The following GOLM1 variants were observed in gnomAD, a reference collection of about 807,000 sequenced individuals.
The protein encoded by GOLM1 is epididymis luminal protein 46.
GOLM1 carries 31 observed loss-of-function variants against 50.5 expected under a neutral mutation model. The ratio of observed to expected loss-of-function variants is 0.61; its 90% confidence interval spans 0.46 to 0.83. The LOEUF (loss-of-function observed/expected upper bound fraction) is 0.83, where lower values mean the gene tolerates loss of function less well. Among genes scored for constraint, GOLM1 ranks in the 40% least tolerant of loss-of-function variants. The pLI is 0.00. For synonymous variants in GOLM1, 178 were observed against 192.8 expected (o/e 0.92, Z 0.64); for missense variants, 491 against 501.3 (o/e 0.98, Z 0.20).
chr9:86,068,436 G>A (rs999340842), intron 3 of GOLM1, among the ~76,000 whole-genome samples: 14 of 152,204 alleles, frequency 9.2e-5, no homozygotes, highest in African/African-American at 2.4e-4. Flanking sequence ...TGCTGTGAGC[G>A]AGGATGCTAA....
chr9:86,040,983 C>T lies in GOLM1; in HGVS notation c.468-115G>A, dbSNP rs1043084506. 1.3e-5 allele frequency: 12 copies of T among 926,172 alleles called. No homozygotes were observed. The Admixed American group carries it at 2.6e-4, about 20-fold the overall frequency. 57.4% of individuals were successfully genotyped at this position (926,172 alleles called of 1,614,324 possible). ...CCTCTTCCTGCTTCAGGCACTTCAT[C>T]TGAAGAGGGCACTTAAGACAGGGCA... On this transcript the variant is annotated intron_variant, in intron 5 of 9. Transcript: ENST00000388712.
At chr9:86,071,404 C>T (rs1834443242) in intron 3 of GOLM1, among the ~76,000 whole-genome samples, 1 of 152,030 alleles carries the variant, frequency 6.6e-6, no homozygotes, top group African/African-American at 2.4e-5. Context: ...GGTGGTCAGG[C>T]ATGGTAGCTC....
intron 9 of GOLM1, among the ~76,000 whole-genome samples, chr9:86,029,828 A>G (rs1437067417): frequency 1.3e-5 from 2 of 152,244 alleles, no homozygotes; most frequent in African/African-American, 2.4e-5. Context: ...CACAAGGTCA[A>G]GTCCTTAGGA....
At chr9:86,051,074 C>G (rs1833731828) in intron 4 of GOLM1, among the ~76,000 whole-genome samples, 1 of 152,198 alleles carries the variant, frequency 6.6e-6, no homozygotes, top group Admixed American at 6.5e-5. Context: ...TCTTTGTTCT[C>G]ATTGATTTCA....
intron 3 of GOLM1, among the ~76,000 whole-genome samples, chr9:86,066,311 A>G (rs149335227): frequency 3.3e-3 from 500 of 152,290 alleles, no homozygotes; most frequent in African/African-American, 0.011. Flanking sequence ...GTGCAAGAGG[A>G]GAAACCGGGC....
At chr9:86,047,471 C>A (rs1257697034) in intron 4 of GOLM1, among the ~76,000 whole-genome samples, 1 of 152,126 alleles carries the variant, frequency 6.6e-6, no homozygotes, top group African/African-American at 2.4e-5. Context: ...ACACGTGACA[C>A]CCTCAAGAGA....
intron 1 of GOLM1, among the ~76,000 whole-genome samples, chr9:86,090,053 G>A (rs1249325332): frequency 6.6e-6 from 1 of 152,140 alleles, no homozygotes; most frequent in Non-Finnish European, 1.5e-5. Flanking sequence ...TCCAGACACT[G>A]CCTGGGTATC....
intron 6 of GOLM1, among the ~76,000 whole-genome samples, chr9:86,039,810 A>C (rs988365695): frequency 6.6e-6 from 1 of 152,126 alleles, no homozygotes. Flanking sequence ...TCTACTAAAA[A>C]TACAAAAATT....
rs1834718004 is a variant in GOLM1, at chr9:86,079,316, A to C, written c.5T>G (p.Met2Arg). Residue 2 changes from methionine to arginine, a missense_variant, in exon 2 of 10, where the codon ATG becomes AGG. Met to Arg is a moderately conservative substitution (Grantham distance 91, BLOSUM62 -1). Transcript: ENST00000388712. M[M>R]GLGNGRRSMK... ...GCTGCGACGCCCGTTTCCCAAGCCC[A>C]TCATCTCAAAATCAGCGCTGAGAAT... 44 of 1,588,772 alleles carry C rather than the reference A, an allele frequency of 2.8e-5. No homozygotes were observed. The highest frequency in any genetic ancestry group is 3.8e-5 in the Non-Finnish European group (44 of 1,168,340).
chr9:86,063,164 C>T (rs1834210147), intron 3 of GOLM1, among the ~76,000 whole-genome samples: 1 of 152,224 alleles, frequency 6.6e-6, no homozygotes. Context: ...TTGAAAAGCT[C>T]CAGCTCCGTT....
chr9:86,076,779 C>T lies in GOLM1; in HGVS notation c.309+633G>A, dbSNP rs141913471. ...ACTCAGGAGGCTGAGGCAGGAGAAT[C>T]GCTTGAACCCGGGAGGCAGAGTGAG... On this transcript the variant is annotated intron_variant, in intron 3 of 9. Coordinates refer to ENST00000388712, the MANE Select transcript of GOLM1 (RefSeq NM_016548.4). Among the ~76,000 whole-genome samples, 1,102 of 151,244 alleles carry T rather than the reference C, an allele frequency of 7.3e-3. 14 individuals are homozygous for T. The highest frequency in any genetic ancestry group is 0.025 in the African/African-American group (1,039 of 41,164).
chr9:86,033,495 A>C (rs1369210363), intron 8 of GOLM1, 100 bp from the exon 9 acceptor site: 1 of 723,330 alleles, frequency 1.4e-6, no homozygotes, highest in East Asian at 2.7e-5. Flanking sequence ...ACTTGCTCAC[A>C]ATCAGATCTG....
upstream of GOLM1, among the ~76,000 whole-genome samples, chr9:86,099,829 G>A (rs1835482246): frequency 6.6e-6 from 1 of 152,110 alleles, no homozygotes. Context: ...CAGCGACGCG[G>A]AGCGGGGAAG....
chr9:86,026,205 T>A lies in GOLM1; in HGVS notation c.*1612A>T. ...CTATGCGTACAAATTAAACATGAGA[T>A]GAATAGAGACTTTATTGAGAAAGCA... On this transcript the variant is annotated 3_prime_UTR_variant, in exon 10 of 10. Coordinates refer to ENST00000388712, the MANE Select transcript of GOLM1 (RefSeq NM_016548.4). 1.0e-6 allele frequency: 1 copy of A among 980,792 alleles called. No individual in the cohort carries two copies. The highest frequency in any genetic ancestry group is 1.2e-6 in the Non-Finnish European group (1 of 825,782). 60.8% of individuals were successfully genotyped at this position (980,792 alleles called of 1,614,324 possible). A position where few individuals can be genotyped will look rare whatever the true frequency, so the allele number is the denominator to read the frequency against.
chr9:86,099,176 C>T (rs1835449691), intron 1 of GOLM1, among the ~76,000 whole-genome samples: 1 of 152,036 alleles, frequency 6.6e-6, no homozygotes, highest in South Asian at 2.1e-4. Flanking sequence ...GGGCCGCGCG[C>T]CCGGTCTTGG....
chr9:86,091,092 G>A (rs189004218), intron 1 of GOLM1, among the ~76,000 whole-genome samples: 19 of 152,220 alleles, frequency 1.2e-4, no homozygotes, highest in South Asian at 8.3e-4. Flanking sequence ...TGCATCCACC[G>A]TCTAACCAGT....
chr9:86,087,106 T>A (rs566884027), intron 1 of GOLM1, among the ~76,000 whole-genome samples: 2 of 152,362 alleles, frequency 1.3e-5, no homozygotes, highest in South Asian at 4.1e-4. Context: ...TCTCCATTTG[T>A]TCGTGTCCTC....
chr9:86,034,900 G>A (rs956274323), intron 8 of GOLM1: 1 of 577,816 alleles, frequency 1.7e-6, no homozygotes, highest in South Asian at 7.5e-5. Flanking sequence ...AACCAAAAAG[G>A]AGTGATTCAC....
At chr9:86,055,924 G>C (rs1037320223) in intron 3 of GOLM1, among the ~76,000 whole-genome samples, 3 of 152,122 alleles carry the variant, frequency 2.0e-5, no homozygotes, top group South Asian at 2.1e-4. Context: ...CCTTGCATCG[G>C]TGTGAAAACC....
Sources: gnomAD v4.1 joint callset for allele counts (sites outside exome capture counted in the v4.1 genomes callset) on GRCh38, gnomAD v4.1.1 for gene constraint, MANE v1.5 for transcripts, NCBI Gene and HGNC (gene_info 2026-07-23, HGNC 2026-07-21) for gene names.